The following COL23A1 variants were observed in gnomAD, a reference collection of about 807,000 sequenced individuals.
COL23A1 encodes collagen type XXIII alpha 1 chain.
COL23A1 carries 97 observed loss-of-function variants against 99.3 expected under a neutral mutation model. That is an observed-to-expected ratio of 0.98 (90% CI 0.83 to 1.16). The LOEUF (loss-of-function observed/expected upper bound fraction) is 1.16. COL23A1 is among the 50% of genes most tolerant of loss of function. COL23A1 has a pLI of 0.00. For missense variants in COL23A1, 762 were observed against 757.4 expected, an observed-to-expected ratio of 1.01 and a Z score of -0.07; for synonymous variants, 320 against 308.2, an observed-to-expected ratio of 1.04 and a Z score of -0.40.
At chr5:178,556,681 T>C (rs1282609560) in intron 2 of COL23A1, among the ~76,000 whole-genome samples, 1 of 143,658 alleles carries the variant, frequency 7.0e-6, no homozygotes, top group Non-Finnish European at 1.5e-5. Context: ...AAGCTGAGTG[T>C]GGTAGCTCAT....
intron 8 of COL23A1, 111 bp downstream of exon 8, chr5:178,267,196 T>G (rs1755949729): frequency 8.0e-7 from 1 of 1,248,576 alleles, no homozygotes; most frequent in Non-Finnish European, 1.2e-6. Flanking sequence ...TCTTGGCCTC[T>G]TTCTGTGATG....
chr5:178,381,714 C>A (rs1763391732), intron 2 of COL23A1, among the ~76,000 whole-genome samples: 1 of 152,172 alleles, frequency 6.6e-6, no homozygotes, highest in Non-Finnish European at 1.5e-5. Flanking sequence ...TGACTCCCTG[C>A]AGCCTTGAAC....
intron 2 of COL23A1, among the ~76,000 whole-genome samples, chr5:178,433,850 A>C (rs988325248): frequency 6.6e-6 from 1 of 152,168 alleles, no homozygotes; most frequent in Non-Finnish European, 1.5e-5. Context: ...TGGAAACTTT[A>C]AGTGATTAAG....
At chr5:178,417,376 G>C (rs1581348725) in intron 2 of COL23A1, among the ~76,000 whole-genome samples, 2 of 152,178 alleles carry the variant, frequency 1.3e-5, no homozygotes, top group Non-Finnish European at 2.9e-5. Context: ...AAGAAGTCCT[G>C]CCTTCCTCGC....
At chr5:178,253,643 C>T (rs373660038) in intron 16 of COL23A1, among the ~76,000 whole-genome samples, 39 of 151,900 alleles carry the variant, frequency 2.6e-4, no homozygotes, top group South Asian at 2.1e-3. Context: ...CCACCATGCC[C>T]GGCTAATTTT....
chr5:178,400,473 C>CA (rs11403383), intron 2 of COL23A1, among the ~76,000 whole-genome samples: 152,128 of 152,130 alleles, frequency 1, 76,063 homozygotes, highest in Middle Eastern at 1. Context: ...CCGTCAGCCC[C>CA]AAACTCCCTC....
chr5:178,387,511 C>T lies in COL23A1; in HGVS notation c.362-80592G>A, dbSNP rs1350565773. ...TGCCCATGAGCTCTCCTGGCAGGGT[C>T]GGGAACTGCCTGCTGCATCTGGGTA... On this transcript the variant is annotated intron_variant, in intron 2 of 28. Transcript: ENST00000390654. This position sits in a 1 kb window ranked among gnomAD's most constrained non-coding sequence, Gnocchi z 4.7. 2.0e-5 allele frequency among the ~76,000 whole-genome samples: 3 copies of T among 152,166 alleles called. No individual in the cohort carries two copies. Among genetic ancestry groups the T allele is most frequent in the East Asian group, 3.9e-4 (2 of 5,192 alleles).
intron 2 of COL23A1, among the ~76,000 whole-genome samples, chr5:178,353,638 G>A (rs747765130): frequency 4.0e-4 from 61 of 152,152 alleles, no homozygotes; most frequent in Non-Finnish European, 8.8e-5. Context: ...CCTCTCTTAG[G>A]ATAAAGTAGT....
At chr5:178,338,449 G>C (rs943613860) in intron 2 of COL23A1, among the ~76,000 whole-genome samples, 2 of 152,198 alleles carry the variant, frequency 1.3e-5, no homozygotes, top group African/African-American at 4.8e-5. Flanking sequence ...TGGTACTGTG[G>C]CTCAGGTGCA....
intron 2 of COL23A1, among the ~76,000 whole-genome samples, chr5:178,416,225 G>A (rs563729797): frequency 1.2e-4 from 19 of 152,216 alleles, no homozygotes; most frequent in African/African-American, 3.9e-4. Flanking sequence ...TGTAAAACAT[G>A]ATGACCAACT....
At chr5:178,556,314 G>T (rs262015) in intron 2 of COL23A1, among the ~76,000 whole-genome samples, 4 of 152,038 alleles carry the variant, frequency 2.6e-5, no homozygotes, top group Admixed American at 1.3e-4. Flanking sequence ...AGGAGGAGGA[G>T]TTACTACTTT....
At chr5:178,455,353 A>T (rs1034193797) in intron 2 of COL23A1, among the ~76,000 whole-genome samples, 3 of 152,158 alleles carry the variant, frequency 2.0e-5, no homozygotes, top group Non-Finnish European at 2.9e-5. Context: ...CACAGGCACC[A>T]GCATGGGAGG....
chr5:178,587,824 T>G (rs533175639), intron 1 of COL23A1, among the ~76,000 whole-genome samples: 5 of 152,212 alleles, frequency 3.3e-5, no homozygotes, highest in South Asian at 2.1e-4. Context: ...ACATTTCCCA[T>G]CCAGTGACAT....
At chr5:178,568,017 C>A (rs963893133) in intron 1 of COL23A1, among the ~76,000 whole-genome samples, 1 of 152,218 alleles carries the variant, frequency 6.6e-6, no homozygotes, top group South Asian at 2.1e-4. Context: ...ACCAAGTGAT[C>A]AAGGTTCATG....
chr5:178,271,768 G>A (rs985653521), intron 5 of COL23A1, among the ~76,000 whole-genome samples: 3 of 152,252 alleles, frequency 2.0e-5, no homozygotes, highest in Non-Finnish European at 4.4e-5. Flanking sequence ...GGCGCATTGT[G>A]GCGACAGTAA....
intron 2 of COL23A1, among the ~76,000 whole-genome samples, chr5:178,404,661 T>C (rs1764657423): frequency 7.4e-6 from 1 of 135,264 alleles, no homozygotes; most frequent in Non-Finnish European, 1.5e-5. Flanking sequence ...CAGAGACCAA[T>C]GGTCCTGCAA....
intron 5 of COL23A1, 36 bp from the exon 6 acceptor site, chr5:178,270,399 C>T (rs767481867): frequency 1.3e-5 from 21 of 1,612,210 alleles, no homozygotes; most frequent in South Asian, 3.3e-5. Context: ...AGGTTACACA[C>T]GGGGATGACA....
chr5:178,443,315 G>C (rs1766982571), intron 2 of COL23A1, among the ~76,000 whole-genome samples: 1 of 152,202 alleles, frequency 6.6e-6, no homozygotes, highest in South Asian at 2.1e-4. Flanking sequence ...TACTCTGGAA[G>C]GTGATTCAAG....
intron 2 of COL23A1, among the ~76,000 whole-genome samples, chr5:178,553,691 G>GT (rs1354619342): frequency 2.0e-5 from 3 of 152,210 alleles, no homozygotes; most frequent in Non-Finnish European, 4.4e-5. Flanking sequence ...TTCTGGGCAC[G>GT]TGGGTGGCTG....
Sources: gnomAD v4.1 joint callset for allele counts (sites outside exome capture counted in the v4.1 genomes callset) on GRCh38, gnomAD v4.1.1 for gene constraint, Gnocchi (gnomAD v3.1) non-coding constraint, MANE v1.5 for transcripts, NCBI Gene and HGNC (gene_info 2026-07-23, HGNC 2026-07-21) for gene names.